JPH3: variants seen among roughly 807,000 people sequenced by gnomAD.
JPH3 encodes junctophilin-3.
JPH3 carries 11 observed loss-of-function variants against 59.6 expected under a neutral mutation model. The ratio of observed to expected loss-of-function variants is 0.18; its 90% CI spans 0.12 to 0.31. The LOEUF (loss-of-function observed/expected upper bound fraction) is 0.31. Among genes scored for constraint, JPH3 ranks in the 10% least tolerant of loss-of-function variants. The probability of loss-of-function intolerance (pLI) is 1.00; values close to 1 mark genes in which losing one functional copy is unlikely to be tolerated. For synonymous variants in JPH3, 673 were observed against 483.6 expected, an observed-to-expected ratio of 1.39 and a Z score of -5.14; for missense variants, 1,202 against 1,105.7, an observed-to-expected ratio of 1.09 and a Z score of -1.24.
intron 2 of JPH3, 171 bp from the exon 3 acceptor site, chr16:87,683,971 G>C (rs1417628544): frequency 1.7e-6 from 1 of 590,646 alleles, no homozygotes; most frequent in Admixed American, 2.9e-5. Context: ...GATGTTTATT[G>C]AATGAATGAA....
At chr16:87,682,372 GTGTT>G (rs1215494090) in intron 2 of JPH3, among the ~76,000 whole-genome samples, 1 of 152,188 alleles carries the variant, frequency 6.6e-6, no homozygotes, top group African/African-American at 2.4e-5. Context: ...TGCGTAGAAG[GTGTT>G]TGCGCCCCCT....
intron 4 of JPH3, chr16:87,695,951 A>G (rs1427842071): frequency 6.6e-6 from 3 of 455,748 alleles, no homozygotes; most frequent in South Asian, 3.1e-5. Flanking sequence ...CACTTCAGGG[A>G]GGTGGTGGCA....
At chr16:87,625,561 G>C (rs2031342394) in intron 1 of JPH3, among the ~76,000 whole-genome samples, 1 of 152,210 alleles carries the variant, frequency 6.6e-6, no homozygotes, top group South Asian at 2.1e-4. Context: ...TCCCAAGAAG[G>C]AAGTGGCGAG....
At chr16:87,612,873 T>C (rs928536093) in intron 1 of JPH3, among the ~76,000 whole-genome samples, 4 of 151,134 alleles carry the variant, frequency 2.6e-5, no homozygotes, top group Admixed American at 6.6e-5. Context: ...AAAAAAAATA[T>C]TAGCTGGGCT....
chr16:87,684,336 G>C (rs939315836), intron 3 of JPH3, 70 bp downstream of exon 3: 1 of 1,576,596 alleles, frequency 6.3e-7, no homozygotes, highest in African/African-American at 1.3e-5. Context: ...AGTCCTGGCA[G>C]CAGATGTGTC....
chr16:87,630,832 C>A (rs2031543420), intron 1 of JPH3, among the ~76,000 whole-genome samples: 1 of 152,144 alleles, frequency 6.6e-6, no homozygotes, highest in Admixed American at 6.5e-5. Flanking sequence ...GATTTTCAAT[C>A]CCTTAGACCC....
chr16:87,637,976 GC>G (rs2031813421), intron 1 of JPH3, among the ~76,000 whole-genome samples: 1 of 152,104 alleles, frequency 6.6e-6, no homozygotes, highest in Non-Finnish European at 1.5e-5. Context: ...GAGTGCAGTG[GC>G]ACAATCTTGG....
chr16:87,662,515 TC>T (rs1337836944), intron 2 of JPH3, among the ~76,000 whole-genome samples: 3 of 152,166 alleles, frequency 2.0e-5, no homozygotes, highest in African/African-American at 7.2e-5. Flanking sequence ...TGATTTGTTT[TC>T]CAGGATGTTC....
In JPH3 at chr16:87,635,250, A is replaced by G. The variant is rs2031698796; in HGVS notation, c.383-9008A>G. On this transcript the variant is annotated intron_variant, in intron 1 of 4. Transcript: ENST00000284262. ...CTCTTTGGAGGTGTTGACCTGGGGC[A>G]TCTGTCCATGGCCCTGAGGAGGTGG... Among the ~76,000 whole-genome samples the G allele has an allele frequency of 2.0e-5, 3 of 152,200 alleles. No individual in the cohort carries two copies. In the South Asian group the frequency reaches 6.2e-4, roughly 32 times the overall value.
Position 87,602,945 on chromosome 16 carries a change from A to T in JPH3, c.-202A>T. On this transcript the variant is annotated 5_prime_UTR_variant, in exon 1 of 5. In the 5' UTR this introduces an upstream ATG that the reference lacks. Coordinates refer to ENST00000284262, the MANE Select transcript of JPH3 (RefSeq NM_020655.4). ...TCAGGCTCCGCGGCGCAGCTCGAAAAGGAATAATCGCCCCCGATTGACTGA... is the reference window on the plus strand; with the variant it reads ...TCAGGCTCCGCGGCGCAGCTCGAAATGGAATAATCGCCCCCGATTGACTGA... 1.8e-6 allele frequency: 1 copy of T among 550,572 alleles called. No homozygotes were observed. The highest frequency in any genetic ancestry group is 3.4e-5 in the East Asian group (1 of 29,768). The allele number at this position is 550,572 out of a possible 1,614,324, so 34.1% of individuals were successfully genotyped here. A position where few individuals can be genotyped will look rare whatever the true frequency, so the allele number is the denominator to read the frequency against.
chr16:87,683,994 C>G, intron 2 of JPH3, 148 bp from the exon 3 acceptor site: 1 of 622,990 alleles, frequency 1.6e-6, no homozygotes, highest in Non-Finnish European at 2.9e-6. Flanking sequence ...AATGAACGAA[C>G]AAGATCCAGA....
At chr16:87,641,885 C>T (rs900119126) in intron 1 of JPH3, among the ~76,000 whole-genome samples, 1 of 152,222 alleles carries the variant, frequency 6.6e-6, no homozygotes, top group African/African-American at 2.4e-5. Flanking sequence ...CATTCTGGAA[C>T]ATCTAAGACC....
chr16:87,640,243 C>T (rs1055226395), intron 1 of JPH3, among the ~76,000 whole-genome samples: 4 of 151,360 alleles, frequency 2.6e-5, no homozygotes, highest in Admixed American at 1.3e-4. Context: ...GCAGGAGAAT[C>T]GATTGAACCT....
intron 1 of JPH3, among the ~76,000 whole-genome samples, chr16:87,635,687 C>T (rs986913875): frequency 1.3e-5 from 2 of 152,222 alleles, no homozygotes; most frequent in Admixed American, 6.5e-5. Context: ...CTGGCGGCCT[C>T]ATCTCATCCG....
intron 1 of JPH3, among the ~76,000 whole-genome samples, chr16:87,638,218 C>A (rs573294697): frequency 1.3e-5 from 2 of 152,304 alleles, no homozygotes; most frequent in African/African-American, 4.8e-5. Context: ...CACACCCGGC[C>A]TCCTTTTAAA....
upstream of JPH3, among the ~76,000 whole-genome samples, chr16:87,602,425 C>CG (rs2030240900): frequency 1.1e-3 from 7 of 6,118 alleles, no homozygotes; most frequent in Non-Finnish European, 1.1e-3. Flanking sequence ...GGGGCGGGGG[C>CG]GGGGGCGGGG....
At chr16:87,637,828 G>A (rs1309582066) in intron 1 of JPH3, among the ~76,000 whole-genome samples, 1 of 152,162 alleles carries the variant, frequency 6.6e-6, no homozygotes, top group Admixed American at 6.5e-5. Context: ...CCCATGCCGA[G>A]CTCCAGTTGG....
rs547438108 is a variant in JPH3, at chr16:87,618,633, G to A, written c.382+15105G>A. On this transcript the variant is annotated intron_variant, in intron 1 of 4. Transcript: ENST00000284262. Reference sequence around the variant, plus strand: ...CCGCCAGCAGCATGGGGGCTCTGGTGTTTCTGCGTCCTCATCCGCACCTGT... The same window carrying A: ...CCGCCAGCAGCATGGGGGCTCTGGTATTTCTGCGTCCTCATCCGCACCTGT... Among the ~76,000 whole-genome samples, 59 of 152,332 alleles carry A rather than the reference G, an allele frequency of 3.9e-4. 1 individual carries two copies. The highest frequency in any genetic ancestry group is 1.3e-3 in the African/African-American group (53 of 41,564).
intron 1 of JPH3, among the ~76,000 whole-genome samples, chr16:87,639,975 T>A (rs574542005): frequency 6.6e-6 from 1 of 152,336 alleles, no homozygotes; most frequent in African/African-American, 2.4e-5. Context: ...GGAGGAGGGA[T>A]CTCAGGGAGT....
Sources: gnomAD v4.1 joint callset for allele counts (sites outside exome capture counted in the v4.1 genomes callset) on GRCh38, gnomAD v4.1.1 for gene constraint, MANE v1.5 for transcripts, NCBI Gene and HGNC (gene_info 2026-07-23, HGNC 2026-07-21) for gene names.